The following HUNK variants were observed in gnomAD, a reference collection of about 807,000 sequenced individuals.
The protein encoded by HUNK is hormonally up-regulated Neu-associated kinase, also known as hormonally up-regulated neu tumor-associated kinase.
HUNK carries 21 observed loss-of-function variants against 61.0 expected under a neutral mutation model. That is an observed-to-expected ratio of 0.34 (90% CI 0.24 to 0.50). The LOEUF is 0.50. Among genes scored for constraint, HUNK ranks in the 20% least tolerant of loss-of-function variants. HUNK has a pLI of 0.98. For missense variants in HUNK, 772 were observed against 945.7 expected (o/e 0.82, Z 2.41); for synonymous variants, 371 against 386.1 (o/e 0.96, Z 0.46).
At chr21:31,983,499 T>G in intron 7 of HUNK, 27 bp from the exon 8 acceptor site, 1 of 1,558,426 alleles carries the variant, frequency 6.4e-7, no homozygotes, top group South Asian at 1.1e-5. Flanking sequence ...AGAGTTGAGC[T>G]GTGCTTTTTC....
intron 4 of HUNK, among the ~76,000 whole-genome samples, chr21:31,958,212 T>G (rs1371453043): frequency 6.6e-6 from 1 of 152,092 alleles, no homozygotes; most frequent in Non-Finnish European, 1.5e-5. Context: ...AGGTGGCTCC[T>G]GATGCTCTTG....
intron 4 of HUNK, among the ~76,000 whole-genome samples, chr21:31,953,169 A>T (rs537982047): frequency 2.0e-5 from 3 of 152,286 alleles, no homozygotes; most frequent in African/African-American, 7.2e-5. Flanking sequence ...GAGAGGAATT[A>T]AGATGCTTAA....
intron 6 of HUNK, 134 bp downstream of exon 6, chr21:31,968,519 C>A: frequency 1.0e-6 from 1 of 961,840 alleles, no homozygotes; most frequent in Non-Finnish European, 1.5e-6. Context: ...CCCCTTCCCC[C>A]TAACACCCAC....
At chr21:31,931,733 G>A (rs557641481) in intron 2 of HUNK, among the ~76,000 whole-genome samples, 6 of 152,114 alleles carry the variant, frequency 3.9e-5, no homozygotes, top group South Asian at 2.1e-4. Flanking sequence ...CTGATGCCTC[G>A]GTGTTACACC....
chr21:31,977,656 A>G (rs1208469687), intron 7 of HUNK, among the ~76,000 whole-genome samples: 2 of 152,230 alleles, frequency 1.3e-5, no homozygotes, highest in Non-Finnish European at 2.9e-5. Flanking sequence ...AGCAAGAGAG[A>G]CATTTTATCT....
chr21:31,990,028 G>A lies in HUNK; in HGVS notation c.1258-101G>A, dbSNP rs57555007. 3.4e-3 allele frequency: 3,734 copies of A among 1,094,110 alleles called. 83 individuals carry two copies. In the African/African-American group the frequency reaches 0.052, roughly 15 times the overall value. 67.8% of individuals were successfully genotyped at this position (1,094,110 alleles called of 1,614,324 possible). On this transcript the variant is annotated intron_variant, in intron 8 of 10. Transcript: ENST00000270112. ...GCTTTCTGTCTATGAAAACCGAAAC[G>A]AATAATTCTCAACCAGAGCTGCAGG...
rs982038714 is a variant in HUNK at position 32,001,557 on chromosome 21, T to G, written c.*2373T>G. 4.6e-5 allele frequency: 7 copies of G among 152,716 alleles called. No homozygotes were observed. Among genetic ancestry groups the G allele is most frequent in the Non-Finnish European group, 7.3e-5 (5 of 68,034 alleles). 9.5% of individuals were successfully genotyped at this position (152,716 alleles called of 1,614,324 possible). ...GAACAGCTGCACATGTGCCGCTAAC[T>G]GACCGCGTTGCCATTGGCGACCTGG... On this transcript the variant is annotated 3_prime_UTR_variant, in exon 11 of 11. Coordinates refer to ENST00000270112, the MANE Select transcript of HUNK (RefSeq NM_014586.2).
chr21:31,970,732 C>T (rs73354648), intron 6 of HUNK, among the ~76,000 whole-genome samples: 4,506 of 152,290 alleles, frequency 0.03, 227 homozygotes, highest in African/African-American at 0.1. Context: ...TTGGCTGCAT[C>T]TTCATTCACA....
chr21:31,997,577 T>G (rs1374793455), intron 10 of HUNK, among the ~76,000 whole-genome samples: 1 of 152,056 alleles, frequency 6.6e-6, no homozygotes, highest in Non-Finnish European at 1.5e-5. Context: ...TTGCTGGGGG[T>G]TTCAGAGAAT....
chr21:31,930,838 A>G (rs567004528), intron 2 of HUNK, among the ~76,000 whole-genome samples: 4 of 152,110 alleles, frequency 2.6e-5, no homozygotes, highest in Admixed American at 1.3e-4. Context: ...TTTTTAGGTC[A>G]CAATTTGTAG....
chr21:31,968,494 C>T, intron 6 of HUNK, 109 bp downstream of exon 6: 1 of 1,304,368 alleles, frequency 7.7e-7, no homozygotes, highest in Non-Finnish European at 1.1e-6. Flanking sequence ...AAGCCGCGCT[C>T]TCTCTTGGCT....
intron 1 of HUNK, among the ~76,000 whole-genome samples, chr21:31,891,753 A>T (rs1458671901): frequency 6.6e-6 from 1 of 152,234 alleles, no homozygotes; most frequent in African/African-American, 2.4e-5. Flanking sequence ...GCAAAGGCAC[A>T]TGGAAATTTT....
intron 1 of HUNK, among the ~76,000 whole-genome samples, chr21:31,920,658 C>T (rs1292965953): frequency 2.6e-5 from 4 of 152,154 alleles, no homozygotes; most frequent in Non-Finnish European, 5.9e-5. Context: ...CCTTGAACTA[C>T]TTGGGGCCAG....
In HUNK at chr21:31,983,617, A is replaced by AC. The variant is rs1436490889; in HGVS notation, c.1257+12dup. Reference sequence around the variant, plus strand: ...CCCAAGGAGTCCTATGAGGTGAGTGACCCCTGAAGCAAACCTCAGGGTCTC... The same window carrying AC: ...CCCAAGGAGTCCTATGAGGTGAGTGACCCCCTGAAGCAAACCTCAGGGTCTC... On this transcript the variant is annotated intron_variant, in intron 8 of 10. Coordinates refer to ENST00000270112, the MANE Select transcript of HUNK (RefSeq NM_014586.2). 1 of 1,598,940 alleles carries AC rather than the reference A, an allele frequency of 6.3e-7. No homozygotes were observed. The highest frequency in any genetic ancestry group is 8.6e-7 in the Non-Finnish European group (1 of 1,167,436).
intron 4 of HUNK, 79 bp downstream of exon 4, chr21:31,946,250 A>G: frequency 7.1e-7 from 1 of 1,418,278 alleles, no homozygotes; most frequent in Non-Finnish European, 9.7e-7. Flanking sequence ...ATGCCTGAGT[A>G]TTGGATGGCA....
chr21:31,885,931 C>A (rs2052342589), intron 1 of HUNK, among the ~76,000 whole-genome samples: 1 of 152,122 alleles, frequency 6.6e-6, no homozygotes, highest in South Asian at 2.1e-4. Context: ...GACCATTTCA[C>A]CACGTTGATC....
intron 2 of HUNK, among the ~76,000 whole-genome samples, chr21:31,936,142 C>T (rs1462586980): frequency 6.6e-6 from 1 of 152,100 alleles, no homozygotes. Flanking sequence ...GGTGTGCCAA[C>T]GTTTGTTTAT....
intron 1 of HUNK, among the ~76,000 whole-genome samples, chr21:31,882,905 T>C (rs2052319079): frequency 6.6e-6 from 1 of 152,160 alleles, no homozygotes; most frequent in South Asian, 2.1e-4. Context: ...TCCCCATGAC[T>C]ACTACAGAAT....
intron 7 of HUNK, among the ~76,000 whole-genome samples, chr21:31,978,868 C>A (rs906873605): frequency 1.1e-4 from 17 of 152,122 alleles, no homozygotes; most frequent in African/African-American, 4.1e-4. Flanking sequence ...TGCTGGATCA[C>A]ATGGTAGTTC....
Sources: allele counts gnomAD v4.1 joint callset (sites outside exome capture counted in the v4.1 genomes callset), GRCh38; gene constraint gnomAD v4.1.1; transcripts MANE v1.5; gene names NCBI Gene and HGNC (gene_info 2026-07-23, HGNC 2026-07-21).